COL25A1: variants seen among roughly 807,000 people sequenced by gnomAD.
COL25A1 encodes collagen alpha-1(XXV) chain.
A neutral mutation model predicts 128.4 loss-of-function variants in COL25A1; 103 were observed. That is an observed-to-expected ratio of 0.80 (90% CI 0.68 to 0.94). The LOEUF is 0.94. Ranked by LOEUF, COL25A1 falls within the 40% of genes least tolerant of loss-of-function variation. The pLI, the probability that COL25A1 is intolerant of heterozygous loss-of-function variation, is 0.00. For synonymous variants in COL25A1, 279 were observed against 277.2 expected (o/e 1.01, Z -0.06); for missense variants, 745 against 840.0 (o/e 0.89, Z 1.40).
intron 3 of COL25A1, 32 bp from the exon 4 acceptor site, chr4:109,050,211 GT>G (rs1560598443): frequency 6.4e-7 from 1 of 1,572,910 alleles, no homozygotes; most frequent in Non-Finnish European, 8.7e-7. Context: ...TTTTAGTGTA[GT>G]TTAATTCTTT....
intron 3 of COL25A1, among the ~76,000 whole-genome samples, chr4:109,236,424 G>A (rs1246423676): frequency 6.6e-6 from 1 of 152,026 alleles, no homozygotes; most frequent in African/African-American, 2.4e-5. Flanking sequence ...GTCCTGAATT[G>A]AATGAAATGC....
At chr4:108,892,067 G>A (rs903433006) in intron 16 of COL25A1, among the ~76,000 whole-genome samples, 1 of 150,194 alleles carries the variant, frequency 6.7e-6, no homozygotes, top group Admixed American at 6.7e-5. Context: ...ATGACTGCTG[G>A]AAGACAGTCA....
At chr4:109,230,023 G>A (rs1405320622) in intron 3 of COL25A1, among the ~76,000 whole-genome samples, 2 of 152,176 alleles carry the variant, frequency 1.3e-5, no homozygotes, top group Non-Finnish European at 2.9e-5. Flanking sequence ...GGGTGGGGAG[G>A]TGCCACACAC....
chr4:109,051,927 TA>T (rs5860967), intron 3 of COL25A1, among the ~76,000 whole-genome samples: 58,064 of 151,330 alleles, frequency 0.38, 12,279 homozygotes, highest in East Asian at 0.66. Flanking sequence ...ATTCAAAGAT[TA>T]AAAAAAAATG....
intron 31 of COL25A1, among the ~76,000 whole-genome samples, chr4:108,835,742 AG>A (rs1733707374): frequency 6.6e-6 from 1 of 151,238 alleles, no homozygotes. Flanking sequence ...TAGTAGAGAC[AG>A]GGTTTCATCA....
At chr4:109,059,402 A>G (rs1376747156) in intron 3 of COL25A1, among the ~76,000 whole-genome samples, 1 of 152,200 alleles carries the variant, frequency 6.6e-6, no homozygotes, top group African/African-American at 2.4e-5. Context: ...AGGTCAGTGT[A>G]TTTTCTGACA....
rs1730635390 is a variant in COL25A1, at chr4:108,809,547, A to G, written c.*4380T>C. 6.6e-6 allele frequency: 1 copy of G among 152,026 alleles called. No homozygotes were observed. The highest frequency in any genetic ancestry group is 6.6e-5 in the Admixed American group (1 of 15,264). The allele number at this position is 152,026 out of a possible 1,614,324, so 9.4% of individuals were successfully genotyped here. Reference sequence around the variant, plus strand: ...CGGTTTAGGTTGAAAAAGTCTTCTTATGCCCAAAAGGACGGTTCTTTCAAT... The same window carrying G: ...CGGTTTAGGTTGAAAAAGTCTTCTTGTGCCCAAAAGGACGGTTCTTTCAAT... On this transcript the variant is annotated 3_prime_UTR_variant, in exon 38 of 38. Transcript: ENST00000399132.
chr4:108,942,302 C>T, intron 8 of COL25A1: 1 of 1,539,770 alleles, frequency 6.5e-7, no homozygotes, highest in African/African-American at 1.4e-5. Flanking sequence ...AACAACACGA[C>T]ATAAAACGTC....
At chr4:109,072,005 G>A (rs1763007943) in intron 3 of COL25A1, among the ~76,000 whole-genome samples, 1 of 152,180 alleles carries the variant, frequency 6.6e-6, no homozygotes, top group East Asian at 1.9e-4. Context: ...ACACATTTTG[G>A]CTACTATTAA....
chr4:108,837,967 G>T, intron 31 of COL25A1: 1 of 716,510 alleles, frequency 1.4e-6, no homozygotes, highest in Non-Finnish European at 2.5e-6. Flanking sequence ...GCTGAGCTCT[G>T]CTCTAATATA....
intron 22 of COL25A1, among the ~76,000 whole-genome samples, chr4:108,861,450 C>T (rs1737213523): frequency 6.6e-6 from 1 of 152,146 alleles, no homozygotes; most frequent in African/African-American, 2.4e-5. Context: ...AGGTCACAGG[C>T]TAGGCCTCCC....
intron 3 of COL25A1, among the ~76,000 whole-genome samples, chr4:109,068,048 G>A (rs938921991): frequency 6.6e-6 from 1 of 152,166 alleles, no homozygotes; most frequent in African/African-American, 2.4e-5. Context: ...CTACTGGGGT[G>A]CGTGCCATTG....
chr4:109,171,536 C>T (rs1433653323), intron 3 of COL25A1, among the ~76,000 whole-genome samples: 3 of 152,116 alleles, frequency 2.0e-5, no homozygotes, highest in African/African-American at 7.2e-5. Flanking sequence ...AGCTAAGACA[C>T]AGACTAATTT....
At chr4:109,145,840 T>G (rs927636607) in intron 3 of COL25A1, among the ~76,000 whole-genome samples, 1 of 151,646 alleles carries the variant, frequency 6.6e-6, no homozygotes, top group African/African-American at 2.4e-5. Flanking sequence ...AAATTCCATC[T>G]CAAAAAAATA....
intron 13 of COL25A1, among the ~76,000 whole-genome samples, chr4:108,908,063 C>T (rs188431109): frequency 6.6e-6 from 1 of 152,248 alleles, no homozygotes; most frequent in Non-Finnish European, 1.5e-5. Context: ...AAAGACGTTA[C>T]CTGTTCATTC....
At chr4:108,814,239 C>T (rs865777993) in intron 37 of COL25A1, among the ~76,000 whole-genome samples, 1 of 152,100 alleles carries the variant, frequency 6.6e-6, no homozygotes, top group Non-Finnish European at 1.5e-5. Context: ...TCTGGGAAAG[C>T]AGAAAATTAG....
chr4:108,824,296 AT>A, intron 34 of COL25A1, 69 bp from the exon 35 acceptor site: 1 of 1,062,894 alleles, frequency 9.4e-7, no homozygotes, highest in Non-Finnish European at 1.4e-6. Flanking sequence ...AGAAACAAAT[AT>A]TTTAGGATTT....
chr4:109,168,287 A>G (rs1004401611), intron 3 of COL25A1, among the ~76,000 whole-genome samples: 1 of 152,158 alleles, frequency 6.6e-6, no homozygotes, highest in Non-Finnish European at 1.5e-5. Context: ...GTTTAAGTGA[A>G]TTTATTAGAT....
intron 3 of COL25A1, among the ~76,000 whole-genome samples, chr4:109,294,556 G>A (rs549708847): frequency 5.3e-5 from 8 of 152,092 alleles, no homozygotes; most frequent in East Asian, 3.9e-4. Context: ...ATCATGGTGC[G>A]TTAAACCACC....
Sources: allele counts gnomAD v4.1 joint callset (sites outside exome capture counted in the v4.1 genomes callset), GRCh38; gene constraint gnomAD v4.1.1; transcripts MANE v1.5; gene names NCBI Gene and HGNC (gene_info 2026-07-23, HGNC 2026-07-21).